The following REDIC1 variants were observed in gnomAD, a reference collection of about 807,000 sequenced individuals.
REDIC1 encodes HEI10 Interacting Protein 1.
chr12:39,678,714 A>G, the REDIC1 span, among the ~76,000 whole-genome samples: 1 of 151,940 alleles, frequency 6.6e-6, no homozygotes, highest in Non-Finnish European at 1.5e-5. Flanking sequence ...ATACTAGCTA[A>G]CTGAATCCAA....
chr12:39,805,966 A>G, the REDIC1 span, among the ~76,000 whole-genome samples: 1 of 152,196 alleles, frequency 6.6e-6, no homozygotes, highest in African/African-American at 2.4e-5. Context: ...CTATTCATTA[A>G]ACACTTTCCT....
the REDIC1 span, among the ~76,000 whole-genome samples, chr12:39,732,160 G>A: frequency 7.2e-5 from 11 of 152,290 alleles, no homozygotes; most frequent in East Asian, 1.9e-3. Flanking sequence ...AATCTGATAT[G>A]TCTTTTAGAT....
chr12:39,728,168 T>TCCA, the REDIC1 span, among the ~76,000 whole-genome samples: 1 of 152,182 alleles, frequency 6.6e-6, no homozygotes, highest in South Asian at 2.1e-4. Flanking sequence ...AGCCAGAACT[T>TCCA]CCAATTCTAT....
chr12:39,859,407 A>G, the REDIC1 span, among the ~76,000 whole-genome samples: 1 of 142,246 alleles, frequency 7.0e-6, no homozygotes, highest in South Asian at 2.5e-4. Context: ...TCACCTGGGG[A>G]GCATTTCAAA....
chr12:39,846,094 C>T, the REDIC1 span, among the ~76,000 whole-genome samples: 1 of 151,990 alleles, frequency 6.6e-6, no homozygotes, highest in African/African-American at 2.4e-5. Context: ...AAACAATTGC[C>T]CAAACAAAAC....
the REDIC1 span, among the ~76,000 whole-genome samples, chr12:39,724,021 T>C: frequency 6.6e-6 from 1 of 152,146 alleles, no homozygotes; most frequent in Non-Finnish European, 1.5e-5. Flanking sequence ...CCAGCCTGAC[T>C]TGCAGCTGCC....
the REDIC1 span, among the ~76,000 whole-genome samples, chr12:39,840,176 C>A: frequency 6.6e-6 from 1 of 151,986 alleles, no homozygotes; most frequent in African/African-American, 2.4e-5. Flanking sequence ...GGATTACAGG[C>A]ACGTGCAACC....
chr12:39,813,803 C>G, the REDIC1 span, among the ~76,000 whole-genome samples: 1 of 152,100 alleles, frequency 6.6e-6, no homozygotes, highest in Admixed American at 6.6e-5. Context: ...TTTAAAATAG[C>G]AATTAAAAAG....
the REDIC1 span, among the ~76,000 whole-genome samples, chr12:39,896,329 T>TATAC: frequency 7.7e-5 from 11 of 142,440 alleles, no homozygotes; most frequent in African/African-American, 2.6e-4. Flanking sequence ...TGTATATGTG[T>TATAC]ATATATGTAT....
the REDIC1 span, among the ~76,000 whole-genome samples, chr12:39,864,585 C>T: frequency 3.3e-5 from 5 of 152,182 alleles, no homozygotes; most frequent in Non-Finnish European, 7.4e-5. Flanking sequence ...CACATCTGCA[C>T]AAGCTATTCC....
chr12:39,807,830 T>C, the REDIC1 span, among the ~76,000 whole-genome samples: 1 of 152,260 alleles, frequency 6.6e-6, no homozygotes, highest in South Asian at 2.1e-4. Flanking sequence ...TTAATAATCG[T>C]ACCAGGAGAA....
the REDIC1 span, among the ~76,000 whole-genome samples, chr12:39,766,256 G>A: frequency 2.0e-5 from 3 of 152,020 alleles, no homozygotes; most frequent in African/African-American, 7.2e-5. Context: ...GAGATATTGC[G>A]AGGTCAGTTC....
At chr12:39,711,787 GTGTGTGTA>G in the REDIC1 span, among the ~76,000 whole-genome samples, 1 of 116,790 alleles carries the variant, frequency 8.6e-6, no homozygotes, top group Non-Finnish European at 1.9e-5. Context: ...GCATGTGTAT[GTGTGTGTA>G]CACATGCATG....
chr12:39,687,669 G>A, the REDIC1 span, among the ~76,000 whole-genome samples: 4 of 152,100 alleles, frequency 2.6e-5, no homozygotes, highest in African/African-American at 7.2e-5. Context: ...TTTGCCGGGG[G>A]GTACCCAAAG....
At chr12:39,816,088 C>CTGA in the REDIC1 span, among the ~76,000 whole-genome samples, 1 of 152,282 alleles carries the variant, frequency 6.6e-6, no homozygotes, top group South Asian at 2.1e-4. Flanking sequence ...ATGTTCTGGG[C>CTGA]TGATAGTGAG....
At chr12:39,878,273 C>T in the REDIC1 span, among the ~76,000 whole-genome samples, 2 of 152,098 alleles carry the variant, frequency 1.3e-5, no homozygotes, top group East Asian at 1.9e-4. Context: ...GTGGAAGTGA[C>T]GTTGGCACTG....
chr12:39,907,383 G>T, the REDIC1 span, among the ~76,000 whole-genome samples: 1 of 151,938 alleles, frequency 6.6e-6, no homozygotes, highest in African/African-American at 2.4e-5. Context: ...AATATTTTTT[G>T]AGTTTACAAG....
chr12:39,714,800 T>G, the REDIC1 span, among the ~76,000 whole-genome samples: 4 of 152,002 alleles, frequency 2.6e-5, no homozygotes, highest in African/African-American at 9.7e-5. Context: ...TGATTTGCAT[T>G]TCCCTGGTCA....
At chr12:39,747,190 T>A in the REDIC1 span, among the ~76,000 whole-genome samples, 1 of 152,100 alleles carries the variant, frequency 6.6e-6, no homozygotes, top group East Asian at 1.9e-4. Context: ...AAAGATTAGA[T>A]GAATAGCTAA....
Sources: gnomAD v4.1 joint callset for allele counts (sites outside exome capture counted in the v4.1 genomes callset) on GRCh38, gnomAD v4.1.1 for gene constraint, MANE v1.5 for transcripts, NCBI Gene and HGNC (gene_info 2026-07-23, HGNC 2026-07-21) for gene names.